The following FBXL17 variants were observed in gnomAD, a reference collection of about 807,000 sequenced individuals.
FBXL17 encodes F-box and leucine rich repeat protein 17.
FBXL17 carries 22 observed loss-of-function variants against 66.2 expected under a neutral mutation model. That is an observed-to-expected ratio of 0.33 (90% CI 0.24 to 0.47). The LOEUF (loss-of-function observed/expected upper bound fraction) is 0.47, where lower values mean the gene tolerates loss of function less well. FBXL17 is among the 20% of genes least tolerant of loss of function. The pLI, the probability that FBXL17 is intolerant of heterozygous loss-of-function variation, is 1.00. For synonymous variants in FBXL17, 474 were observed against 400.5 expected (o/e 1.18, Z -2.19); for missense variants, 878 against 948.2 (o/e 0.93, Z 0.97).
intron 5 of FBXL17, among the ~76,000 whole-genome samples, chr5:108,223,473 A>ACAAATTTCAGATAT (rs1754961616): frequency 2.9e-5 from 4 of 138,804 alleles, no homozygotes; most frequent in African/African-American, 1.0e-4. Flanking sequence ...ATTTCAGATA[A>ACAAATTTCAGATAT]CACATAGGTA....
chr5:108,362,633 G>C (rs1453129686), intron 3 of FBXL17, among the ~76,000 whole-genome samples: 1 of 152,038 alleles, frequency 6.6e-6, no homozygotes, highest in Non-Finnish European at 1.5e-5. Context: ...ACCAAAACCA[G>C]CCTGATTTTT....
chr5:108,021,361 T>C (rs1346903837), intron 6 of FBXL17, among the ~76,000 whole-genome samples: 2 of 150,004 alleles, frequency 1.3e-5, no homozygotes, highest in African/African-American at 2.4e-5. Flanking sequence ...TAGATCGTTA[T>C]TATAGGTAGA....
intron 6 of FBXL17, among the ~76,000 whole-genome samples, chr5:108,154,082 T>C (rs907670520): frequency 1.3e-5 from 2 of 151,980 alleles, no homozygotes; most frequent in African/African-American, 4.8e-5. Flanking sequence ...AACTGGGACA[T>C]CAGGTAAATG....
intron 6 of FBXL17, among the ~76,000 whole-genome samples, chr5:108,110,065 T>C (rs1043335833): frequency 6.6e-6 from 1 of 152,146 alleles, no homozygotes; most frequent in Non-Finnish European, 1.5e-5. Context: ...TCATAGCCTA[T>C]TGGTACCACA....
In FBXL17 at chr5:108,381,993, C is replaced by T; in HGVS notation, c.-302G>A. 1 of 1,172,738 alleles carries T rather than the reference C, an allele frequency of 8.5e-7. No homozygotes were observed. Among genetic ancestry groups the T allele is most frequent in the Non-Finnish European group, 1.1e-6 (1 of 947,452 alleles). 72.6% of individuals were successfully genotyped at this position (1,172,738 alleles called of 1,614,324 possible). Reference sequence around the variant, plus strand: ...TGCCGGCTAGGCGACCAGTCCGGGCCCGGCCAGCCGGCTCAGTCAGTCAGC... The same window carrying T: ...TGCCGGCTAGGCGACCAGTCCGGGCTCGGCCAGCCGGCTCAGTCAGTCAGC... On this transcript the variant is annotated 5_prime_UTR_variant, in exon 1 of 9. Coordinates refer to ENST00000542267, the MANE Select transcript of FBXL17 (RefSeq NM_001163315.3).
intron 4 of FBXL17, among the ~76,000 whole-genome samples, chr5:108,260,375 A>G (rs761395118): frequency 3.9e-5 from 6 of 152,158 alleles, no homozygotes; most frequent in Non-Finnish European, 7.4e-5. Context: ...GCCCTTCCCA[A>G]TTCACATTAC....
chr5:108,084,723 A>G (rs1021196252), intron 6 of FBXL17, among the ~76,000 whole-genome samples: 7 of 152,228 alleles, frequency 4.6e-5, no homozygotes, highest in African/African-American at 1.7e-4. Context: ...GGTATAATTA[A>G]TAAGTGTCAG....
intron 4 of FBXL17, among the ~76,000 whole-genome samples, chr5:108,235,345 A>AAATCTC (rs1755552774): frequency 6.6e-6 from 1 of 152,214 alleles, no homozygotes; most frequent in South Asian, 2.1e-4. Context: ...TCTCATGACT[A>AAATCTC]AATCTCGTAA....
At chr5:108,131,374 A>G (rs1200090089) in intron 6 of FBXL17, among the ~76,000 whole-genome samples, 1 of 152,196 alleles carries the variant, frequency 6.6e-6, no homozygotes, top group Non-Finnish European at 1.5e-5. Context: ...CCAAAATCAC[A>G]AATGAAGAGA....
At chr5:107,945,699 T>C (rs1751259081) in intron 7 of FBXL17, among the ~76,000 whole-genome samples, 1 of 152,186 alleles carries the variant, frequency 6.6e-6, no homozygotes, top group African/African-American at 2.4e-5. Context: ...CAGATGCATA[T>C]GAATGAAGCA....
intron 6 of FBXL17, among the ~76,000 whole-genome samples, chr5:108,089,281 G>A (rs560179463): frequency 3.3e-5 from 5 of 152,304 alleles, no homozygotes; most frequent in Admixed American, 2.6e-4. Flanking sequence ...TTGGGGTAAA[G>A]ACCAAAAATC....
intron 4 of FBXL17, among the ~76,000 whole-genome samples, chr5:108,296,810 G>T (rs187368937): frequency 2.7e-5 from 4 of 150,678 alleles, no homozygotes; most frequent in Admixed American, 2.0e-4. Context: ...TACATACTTC[G>T]ACAGTATCCA....
chr5:107,873,665 G>T (rs1280121416), intron 8 of FBXL17, among the ~76,000 whole-genome samples: 1 of 152,160 alleles, frequency 6.6e-6, no homozygotes, highest in African/African-American at 2.4e-5. Flanking sequence ...GTGATTAAGA[G>T]TTCTGGGATC....
chr5:108,102,852 G>T lies in FBXL17; in HGVS notation c.1746-81851C>A, dbSNP rs1381922762. Among the ~76,000 whole-genome samples the T allele has an allele frequency of 7.9e-5, 12 of 152,216 alleles. No individual in the cohort carries two copies. The East Asian group carries it at 2.3e-3, about 29-fold the overall frequency. ...AATATATAAATAATATATCTTATAAGATAGAGAAATCTTAAGACAAAGCAA... is the reference window on the plus strand; with the variant it reads ...AATATATAAATAATATATCTTATAATATAGAGAAATCTTAAGACAAAGCAA... On this transcript the variant is annotated intron_variant, in intron 6 of 8. Transcript: ENST00000542267.
chr5:108,302,957 C>G (rs568561351), intron 4 of FBXL17, among the ~76,000 whole-genome samples: 1 of 151,704 alleles, frequency 6.6e-6, no homozygotes, highest in Non-Finnish European at 1.5e-5. Flanking sequence ...AAGTAGAGTA[C>G]CTAACACATA....
At chr5:108,372,535 T>C (rs186098790) in intron 1 of FBXL17, among the ~76,000 whole-genome samples, 10 of 151,692 alleles carry the variant, frequency 6.6e-5, no homozygotes, top group Admixed American at 6.6e-4. Context: ...GCAAGAAAAA[T>C]GCAACTCGTG....
intron 6 of FBXL17, among the ~76,000 whole-genome samples, chr5:108,021,617 T>C (rs893228392): frequency 4.6e-5 from 7 of 151,780 alleles, no homozygotes; most frequent in Non-Finnish European, 5.9e-5. Flanking sequence ...GATACAGATA[T>C]GTAAGACTGT....
At chr5:108,076,253 G>A (rs1042905397) in intron 6 of FBXL17, among the ~76,000 whole-genome samples, 1 of 152,136 alleles carries the variant, frequency 6.6e-6, no homozygotes, top group Non-Finnish European at 1.5e-5. Flanking sequence ...TAAGGCCTGG[G>A]GACAACACCC....
At chr5:108,184,572 G>T (rs141780655) in intron 6 of FBXL17, among the ~76,000 whole-genome samples, 3,040 of 151,764 alleles carry the variant, frequency 0.02, 108 homozygotes, top group African/African-American at 0.07. Flanking sequence ...CTCCCAAAGT[G>T]CTGGGATTAC....
Sources: allele counts gnomAD v4.1 joint callset (sites outside exome capture counted in the v4.1 genomes callset), GRCh38; gene constraint gnomAD v4.1.1; transcripts MANE v1.5; gene names NCBI Gene and HGNC (gene_info 2026-07-23, HGNC 2026-07-21).